NSMCE2: variants seen among roughly 807,000 people sequenced by gnomAD.
NSMCE2 encodes the protein E3 SUMO-protein ligase NSE2.
In NSMCE2, 24 loss-of-function variants were observed where a neutral mutation model predicts 23.8. That is an observed-to-expected ratio of 1.01 (90% confidence interval 0.73 to 1.42). The LOEUF (loss-of-function observed/expected upper bound fraction) is 1.42. NSMCE2 is among the 40% of genes most tolerant of loss of function. NSMCE2 has a pLI of 0.00. For missense variants in NSMCE2, 284 were observed against 296.5 expected, an observed-to-expected ratio of 0.96 and a Z score of 0.31; for synonymous variants, 92 against 94.1, an observed-to-expected ratio of 0.98 and a Z score of 0.13.
intron 5 of NSMCE2, among the ~76,000 whole-genome samples, chr8:125,216,865 G>GA (rs1412048648): frequency 6.6e-6 from 1 of 152,178 alleles, no homozygotes; most frequent in Non-Finnish European, 1.5e-5. Flanking sequence ...GTGATCAAGG[G>GA]AAAGTAAGAT....
At chr8:125,210,474 G>A (rs1222591491) in intron 5 of NSMCE2, among the ~76,000 whole-genome samples, 2 of 152,070 alleles carry the variant, frequency 1.3e-5, no homozygotes, top group East Asian at 1.9e-4. Context: ...TTCAATAAGT[G>A]CATGGATTAC....
intron 4 of NSMCE2, among the ~76,000 whole-genome samples, chr8:125,177,023 T>A (rs537403895): frequency 6.6e-6 from 1 of 152,264 alleles, no homozygotes; most frequent in Non-Finnish European, 1.5e-5. Context: ...TTTTTTGCCC[T>A]AGTACTGGAA....
intron 5 of NSMCE2, among the ~76,000 whole-genome samples, chr8:125,235,005 G>A (rs977729248): frequency 1.1e-4 from 16 of 152,172 alleles, no homozygotes; most frequent in African/African-American, 3.1e-4. Flanking sequence ...TAGCACTTTG[G>A]GAGGCTGAGG....
chr8:125,311,364 A>G (rs1347655132), intron 5 of NSMCE2, among the ~76,000 whole-genome samples: 1 of 152,254 alleles, frequency 6.6e-6, no homozygotes, highest in Non-Finnish European at 1.5e-5. Flanking sequence ...TAAATTGTAT[A>G]GTTTCCTTTT....
intron 5 of NSMCE2, among the ~76,000 whole-genome samples, chr8:125,186,448 T>C (rs914587461): frequency 6.6e-6 from 1 of 152,208 alleles, no homozygotes; most frequent in African/African-American, 2.4e-5. Flanking sequence ...CTCAAGTACA[T>C]TCAGAACACT....
intron 5 of NSMCE2, among the ~76,000 whole-genome samples, chr8:125,189,025 T>C (rs1423260159): frequency 2.0e-5 from 3 of 152,226 alleles, no homozygotes; most frequent in African/African-American, 7.2e-5. Context: ...TGAGTGCATT[T>C]AAACTGGGCA....
chr8:125,293,422 C>T lies in NSMCE2; in HGVS notation c.419-63797C>T, dbSNP rs558634389. ...AAATGGCTGTTGTGGTGCTGACCAG[C>T]TTTCCCCATATAGAGCTAATTATTC... On this transcript the variant is annotated intron_variant, in intron 5 of 7. Coordinates refer to ENST00000287437, the MANE Select transcript of NSMCE2 (RefSeq NM_173685.4). Among the ~76,000 whole-genome samples, 20 of 152,334 alleles carry T rather than the reference C, an allele frequency of 1.3e-4. No homozygotes were observed. In the South Asian group the frequency reaches 2.9e-3, roughly 22 times the overall value.
intron 5 of NSMCE2, among the ~76,000 whole-genome samples, chr8:125,254,349 A>G (rs1335296988): frequency 6.6e-6 from 1 of 152,190 alleles, no homozygotes; most frequent in African/African-American, 2.4e-5. Context: ...TGCGTCATCA[A>G]ATAGTTGAAT....
intron 1 of NSMCE2, among the ~76,000 whole-genome samples, chr8:125,099,122 T>A (rs1818068998): frequency 6.6e-6 from 1 of 152,100 alleles, no homozygotes; most frequent in Admixed American, 6.5e-5. Context: ...ACAGAAAAAG[T>A]CAAAAAGTCT....
chr8:125,301,033 A>G (rs1287335639), intron 5 of NSMCE2, among the ~76,000 whole-genome samples: 1 of 152,188 alleles, frequency 6.6e-6, no homozygotes, highest in Non-Finnish European at 1.5e-5. Context: ...TCTGTGTCAC[A>G]ATCATTAACT....
chr8:125,148,111 C>A (rs1046432620), intron 3 of NSMCE2, among the ~76,000 whole-genome samples: 7 of 152,126 alleles, frequency 4.6e-5, no homozygotes, highest in African/African-American at 1.7e-4. Flanking sequence ...TTCCTGTTCC[C>A]TTTGTTGCTT....
At position 125,366,878 on chromosome 8, in the gene NSMCE2, C is replaced by T. The variant is rs771310776; in HGVS notation, c.737C>T (p.Ser246Phe). Residue 246 changes from serine (S) to phenylalanine (F), a missense_variant, in exon 8 of 8, where the codon TCC (serine) becomes TTC (phenylalanine). Coordinates refer to ENST00000287437, the MANE Select transcript of NSMCE2 (RefSeq NM_173685.4). ...CATAACAAGAAAAGACATCGTCATT[C>T]CGAGTAGGAAAAGCCACCTGCCTGC... ...ENHNKKRHRH[S>F]E The T allele has an allele frequency of 6.3e-7, 1 of 1,596,820 alleles. No individual in the cohort carries two copies. Among genetic ancestry groups the T allele is most frequent in the East Asian group, 2.2e-5 (1 of 44,778 alleles).
intron 5 of NSMCE2, among the ~76,000 whole-genome samples, chr8:125,298,879 T>A (rs1828441268): frequency 6.6e-6 from 1 of 152,102 alleles, no homozygotes; most frequent in Admixed American, 6.6e-5. Flanking sequence ...GTGTTAGTAT[T>A]GATGGGATTA....
rs1418413592 is a variant in NSMCE2, at chr8:125,306,598, A to G, written c.419-50621A>G. Among the ~76,000 whole-genome samples, 4 of 152,314 alleles carry G rather than the reference A, an allele frequency of 2.6e-5. No individual in the cohort carries two copies. The East Asian group carries it at 7.7e-4, about 29-fold the overall frequency. On this transcript the variant is annotated intron_variant, in intron 5 of 7. Transcript: ENST00000287437. ...TAATTGCTCTAGGAGACCTGCACAA[A>G]ATGTGAAAATAGCACGTTTCTTTTC...
intron 5 of NSMCE2, among the ~76,000 whole-genome samples, chr8:125,202,194 A>G (rs1396970619): frequency 6.6e-6 from 1 of 152,122 alleles, no homozygotes; most frequent in Non-Finnish European, 1.5e-5. Context: ...GCCCCGCCCT[A>G]CTTCACCTTG....
intron 5 of NSMCE2, among the ~76,000 whole-genome samples, chr8:125,199,469 T>A (rs1214407814): frequency 2.0e-5 from 3 of 152,236 alleles, no homozygotes; most frequent in Admixed American, 2.0e-4. Context: ...AGTTGTTCAG[T>A]TTCCATGTAG....
At position 125,287,148 on chromosome 8, in the gene NSMCE2, A is replaced by G. The variant is rs138533701; in HGVS notation, c.419-70071A>G. ...GGAGTTTGAGGCCAGCCTGGCCAAC[A>G]TGGTGAAATCCCATCTCTACTGAAA... On this transcript the variant is annotated intron_variant, in intron 5 of 7. Transcript: ENST00000287437. Among the ~76,000 whole-genome samples the G allele has an allele frequency of 9.3e-3, 1,409 of 152,250 alleles. 24 individuals are homozygous for G. Among genetic ancestry groups the G allele is most frequent in the African/African-American group, 0.031 (1,290 of 41,524 alleles).
chr8:125,268,377 G>T (rs1204459731), intron 5 of NSMCE2, among the ~76,000 whole-genome samples: 3 of 152,056 alleles, frequency 2.0e-5, no homozygotes, highest in Middle Eastern at 3.4e-3. Context: ...GGAGAAAGAA[G>T]TTAAAAAAAA....
At chr8:125,275,153 T>C (rs1827400565) in intron 5 of NSMCE2, among the ~76,000 whole-genome samples, 1 of 151,900 alleles carries the variant, frequency 6.6e-6, no homozygotes. Flanking sequence ...CCCCTAAAAC[T>C]CTTCACACCC....
Sources: gnomAD v4.1 joint callset for allele counts (sites outside exome capture counted in the v4.1 genomes callset) on GRCh38, gnomAD v4.1.1 for gene constraint, MANE v1.5 for transcripts, NCBI Gene and HGNC (gene_info 2026-07-23, HGNC 2026-07-21) for gene names.